CSMD1: variants seen among roughly 807,000 people sequenced by gnomAD.
CSMD1 encodes the protein CUB and Sushi multiple domains 1.
A neutral mutation model predicts 417.5 loss-of-function variants in CSMD1; 213 were observed. The ratio of observed to expected loss-of-function variants is 0.51; its 90% CI spans 0.46 to 0.57. The LOEUF is 0.57. CSMD1 is among the 20% of genes least tolerant of loss of function. The pLI is 0.00. For missense variants in CSMD1, 6,923 were observed against 4,529.7 expected (o/e 1.53, Z -15.17); for synonymous variants, 2,862 against 1,736.8 (o/e 1.65, Z -16.11).
intron 2 of CSMD1, among the ~76,000 whole-genome samples, chr8:4,458,648 T>C (rs1799628884): frequency 6.6e-6 from 1 of 152,226 alleles, no homozygotes; most frequent in Non-Finnish European, 1.5e-5. Context: ...GAATGTATTT[T>C]GTATTCTCAA....
At chr8:3,750,530 G>A (rs1249968902) in intron 6 of CSMD1, among the ~76,000 whole-genome samples, 2 of 151,766 alleles carry the variant, frequency 1.3e-5, no homozygotes, top group African/African-American at 2.4e-5. Context: ...ATTTTTGTTG[G>A]CACAAATAAT....
At position 4,811,721 on chromosome 8, in the gene CSMD1, CA is replaced by C. The variant is rs1199212006; in HGVS notation, c.86-174164del. 5.3e-5 allele frequency among the ~76,000 whole-genome samples: 8 copies of C among 152,010 alleles called. No individual in the cohort carries two copies. In the South Asian group the frequency reaches 8.3e-4, roughly 16 times the overall value. On this transcript the variant is annotated intron_variant, in intron 1 of 69. Coordinates refer to ENST00000635120, the MANE Select transcript of CSMD1 (RefSeq NM_033225.6). ...ATAAGAAAAAAAATGAATACTGATT[CA>C]TTTTTTTTGCTTCGTTTAAATCTTT...
At chr8:4,156,358 A>G (rs903254825) in intron 3 of CSMD1, among the ~76,000 whole-genome samples, 2 of 152,170 alleles carry the variant, frequency 1.3e-5, no homozygotes, top group African/African-American at 4.8e-5. Flanking sequence ...GGTTTTGATA[A>G]AACTTAAATG....
At chr8:4,662,330 G>C (rs765464589) in intron 1 of CSMD1, among the ~76,000 whole-genome samples, 3 of 152,252 alleles carry the variant, frequency 2.0e-5, no homozygotes, top group Non-Finnish European at 4.4e-5. Context: ...GAGGAAATGA[G>C]GGAAAGCAGA....
chr8:3,817,679 A>T (rs1801465348), intron 5 of CSMD1, among the ~76,000 whole-genome samples: 2 of 152,132 alleles, frequency 1.3e-5, no homozygotes, highest in Non-Finnish European at 2.9e-5. Flanking sequence ...TCTTTAATGG[A>T]ACTTTCCACT....
At chr8:3,930,315 C>G (rs879830585) in intron 5 of CSMD1, among the ~76,000 whole-genome samples, 4 of 150,516 alleles carry the variant, frequency 2.7e-5, no homozygotes, top group Non-Finnish European at 5.9e-5. Context: ...AAGACCTGTG[C>G]TAACACTCTT....
chr8:3,527,365 G>C (rs912075748), intron 10 of CSMD1, among the ~76,000 whole-genome samples: 4 of 152,208 alleles, frequency 2.6e-5, no homozygotes, highest in South Asian at 2.1e-4. Flanking sequence ...AGGTTACATA[G>C]TGTATGATTT....
intron 5 of CSMD1, among the ~76,000 whole-genome samples, chr8:3,839,021 G>A (rs1585072030): frequency 1.6e-5 from 2 of 123,122 alleles, no homozygotes; most frequent in Non-Finnish European, 1.6e-5. Context: ...TTTATATGTT[G>A]ATATTATATA....
chr8:4,459,767 G>A (rs574375735), intron 2 of CSMD1, among the ~76,000 whole-genome samples: 1 of 152,164 alleles, frequency 6.6e-6, no homozygotes, highest in Non-Finnish European at 1.5e-5. Flanking sequence ...CTAGCCTCCA[G>A]AACTATGAGA....
chr8:3,931,904 G>GAAA (rs749093840), intron 5 of CSMD1, among the ~76,000 whole-genome samples: 3 of 125,230 alleles, frequency 2.4e-5, no homozygotes, highest in African/African-American at 8.9e-5. Flanking sequence ...AAAAGAAACA[G>GAAA]AAAAAAAAAA....
chr8:3,284,095 G>T, intron 26 of CSMD1, 49 bp downstream of exon 26: 1 of 1,379,938 alleles, frequency 7.2e-7, no homozygotes, highest in South Asian at 1.2e-5. Flanking sequence ...CTGTGTTCAT[G>T]ACAAGACTTT....
At chr8:4,038,258 A>T (rs1797717308) in intron 3 of CSMD1, among the ~76,000 whole-genome samples, 2 of 152,160 alleles carry the variant, frequency 1.3e-5, no homozygotes, top group African/African-American at 4.8e-5. Context: ...AAATAGAAAT[A>T]ATTAAGAATA....
chr8:4,019,959 G>C (rs904788367), intron 4 of CSMD1, among the ~76,000 whole-genome samples: 3 of 147,886 alleles, frequency 2.0e-5, no homozygotes, highest in African/African-American at 7.5e-5. Context: ...TACCAATATT[G>C]AGATCCTGTA....
At chr8:4,393,987 G>A (rs757086218) in intron 3 of CSMD1, among the ~76,000 whole-genome samples, 26 of 152,114 alleles carry the variant, frequency 1.7e-4, no homozygotes, top group Admixed American at 1.1e-3. Flanking sequence ...AATTTGCTAC[G>A]TAATAGAGCA....
At chr8:4,833,961 T>C (rs1800303774) in intron 1 of CSMD1, among the ~76,000 whole-genome samples, 2 of 152,164 alleles carry the variant, frequency 1.3e-5, no homozygotes, top group Admixed American at 1.3e-4. Flanking sequence ...GTCTTCACTA[T>C]CTTAGCACCT....
At chr8:4,927,282 T>A (rs1163318269) in intron 1 of CSMD1, among the ~76,000 whole-genome samples, 1 of 151,996 alleles carries the variant, frequency 6.6e-6, no homozygotes, top group Non-Finnish European at 1.5e-5. Context: ...GGTCTCGAAC[T>A]CCCGTCCTCA....
In CSMD1 at chr8:4,155,354, C is replaced by T. The variant is rs1004128104; in HGVS notation, c.416-123255G>A. On this transcript the variant is annotated intron_variant, in intron 3 of 69. Transcript: ENST00000635120. ...ACCTGCATGACTCCCGCAGGGTAAA[C>T]AGCCACGCTGCTTCTAATGCTCTGC... Among the ~76,000 whole-genome samples the T allele has an allele frequency of 1.3e-5, 2 of 152,160 alleles. 1 individual carries two copies. Among genetic ancestry groups the T allele is most frequent in the African/African-American group, 4.8e-5 (2 of 41,420 alleles).
chr8:4,885,592 C>T (rs1357225535), intron 1 of CSMD1, among the ~76,000 whole-genome samples: 3 of 151,890 alleles, frequency 2.0e-5, no homozygotes, highest in Non-Finnish European at 2.9e-5. Context: ...GATTAGGTGG[C>T]TTTTGTCCTT....
intron 5 of CSMD1, among the ~76,000 whole-genome samples, chr8:3,824,835 A>C (rs1801960893): frequency 6.6e-6 from 1 of 152,150 alleles, no homozygotes; most frequent in South Asian, 2.1e-4. Context: ...AAAGGATTTC[A>C]ATAAAATGAC....
Sources: gnomAD v4.1 joint callset for allele counts (sites outside exome capture counted in the v4.1 genomes callset) on GRCh38, gnomAD v4.1.1 for gene constraint, MANE v1.5 for transcripts, NCBI Gene and HGNC (gene_info 2026-07-23, HGNC 2026-07-21) for gene names.